HEATR4: variants seen among roughly 807,000 people sequenced by gnomAD.
HEATR4 encodes HEAT repeat containing 4, also known as HEAT repeat-containing protein 4.
HEATR4 carries 95 observed loss-of-function variants against 108.8 expected under a neutral mutation model. The ratio of observed to expected loss-of-function variants is 0.87; its 90% CI spans 0.74 to 1.04. The LOEUF (loss-of-function observed/expected upper bound fraction) is 1.04, where lower values mean the gene tolerates loss of function less well. Among genes scored for constraint, HEATR4 ranks in the 50% least tolerant of loss-of-function variants. The pLI, the probability that HEATR4 is intolerant of heterozygous loss-of-function variation, is 0.00. For missense variants in HEATR4, 1,152 were observed against 1,253.8 expected, an observed-to-expected ratio of 0.92 and a Z score of 1.23; for synonymous variants, 443 against 459.4, an observed-to-expected ratio of 0.96 and a Z score of 0.46.
chr14:73,494,551 T>G (rs188390861), intron 16 of HEATR4, among the ~76,000 whole-genome samples: 51 of 152,226 alleles, frequency 3.4e-4, no homozygotes, highest in African/African-American at 1.1e-3. Context: ...TATTTTTTGT[T>G]TGTTTGTTTT....
At chr14:73,519,212 C>T (rs375895656) in intron 4 of HEATR4, 49 bp from the exon 5 acceptor site, 5 of 1,560,442 alleles carry the variant, frequency 3.2e-6, no homozygotes, top group Middle Eastern at 1.7e-4. Context: ...TCCCTATTTC[C>T]TTTCTCCCTG....
upstream of HEATR4, among the ~76,000 whole-genome samples, chr14:73,562,602 A>G (rs1308930916): frequency 6.6e-6 from 1 of 152,010 alleles, no homozygotes; most frequent in African/African-American, 2.4e-5. Context: ...ATATCACTAA[A>G]TTATTTTCCT....
At chr14:73,565,388 C>CT in the HEATR4 span, among the ~76,000 whole-genome samples, 19,554 of 139,690 alleles carry the variant, frequency 0.14, 1,990 homozygotes, top group Non-Finnish European at 0.22. Context: ...TTTTCTTTTC[C>CT]TTTTTTTTTT....
intron 5 of HEATR4, among the ~76,000 whole-genome samples, chr14:73,516,258 C>G (rs1887592104): frequency 1.7e-5 from 1 of 57,440 alleles, no homozygotes; most frequent in Non-Finnish European, 2.7e-5. Context: ...CTTGGACGTG[C>G]TGGGGGACTC....
chr14:73,523,095 G>A lies in HEATR4; in HGVS notation c.58C>T (p.Pro20Ser), dbSNP rs1201339382. 3 of 1,611,262 alleles carry A rather than the reference G, an allele frequency of 1.9e-6. No individual in the cohort carries two copies. The highest frequency in any genetic ancestry group is 3.3e-5 in the Admixed American group (2 of 60,016). ...FLPHCFYQSL[P>S]PRLGWGMILN... Reference sequence around the variant, plus strand: ...ATCATGCCCCATCCCAGTCGTGGGGGCAGTGACTGATAGAAGCAATGGGGG... The same window carrying A: ...ATCATGCCCCATCCCAGTCGTGGGGACAGTGACTGATAGAAGCAATGGGGG... Residue 20 changes from proline to serine, a missense_variant, in exon 3 of 18, where the codon CCC (proline) becomes TCC (serine). Coordinates refer to ENST00000553558, the MANE Select transcript of HEATR4 (RefSeq NM_001220484.1).
At chr14:73,519,374 A>C (rs1566838690) in intron 4 of HEATR4, among the ~76,000 whole-genome samples, 1 of 152,112 alleles carries the variant, frequency 6.6e-6, no homozygotes, top group Admixed American at 6.5e-5. Flanking sequence ...GTGGGGGAAA[A>C]AAAAAAGAAA....
chr14:73,619,121 C>T, the HEATR4 span: 1 of 1,354,300 alleles, frequency 7.4e-7, no homozygotes, highest in African/African-American at 1.5e-5. Context: ...CAGAGCGAGA[C>T]TCCATCTCAA....
rs1018335599 is a variant in HEATR4 at position 73,503,128 on chromosome 14, C to A, written c.1987-115G>T. Reference sequence around the variant, plus strand: ...CATCACTGTACTAATGAGGATTGTCCTGAGTGTTTTTTCCCATCGCTTACT... The same window carrying A: ...CATCACTGTACTAATGAGGATTGTCATGAGTGTTTTTTCCCATCGCTTACT... On this transcript the variant is annotated intron_variant, in intron 10 of 17. Transcript: ENST00000553558. 24 of 827,642 alleles carry A rather than the reference C, an allele frequency of 2.9e-5. No homozygotes were observed. The Admixed American group carries it at 4.5e-4, about 15-fold the overall frequency. 51.3% of individuals were successfully genotyped at this position (827,642 alleles called of 1,614,324 possible). A position where few individuals can be genotyped will look rare whatever the true frequency, so the allele number is the denominator to read the frequency against.
chr14:73,564,721 G>GTTTTTTTTTTTTTTTTTTTTTTTTTTT, the HEATR4 span, among the ~76,000 whole-genome samples: 9 of 83,548 alleles, frequency 1.1e-4, 4 homozygotes, highest in Admixed American at 1.6e-4. Flanking sequence ...TATCTTTTCT[G>GTTTTTTTTTTTTTTTTTTTTTTTTTTT]TTTTTTGTTT....
At chr14:73,589,765 G>T in the HEATR4 span, among the ~76,000 whole-genome samples, 745 of 152,282 alleles carry the variant, frequency 4.9e-3, 7 homozygotes, top group African/African-American at 0.017. Context: ...CCCTCGCGGA[G>T]ATGTTACAGT....
chr14:73,603,882 C>T, the HEATR4 span, among the ~76,000 whole-genome samples: 21 of 151,572 alleles, frequency 1.4e-4, no homozygotes, highest in Non-Finnish European at 2.5e-4. Context: ...TACAGGTGCG[C>T]AGCACCACAC....
chr14:73,522,548 C>G lies in HEATR4; in HGVS notation c.605G>C (p.Trp202Ser), dbSNP rs376217290. The change falls in exon 3 of 18, where the codon TGG becomes TCG. Residue 202 changes from tryptophan (W) to serine (S), a missense_variant. Trp to Ser is a radical substitution (Grantham distance 177). Transcript: ENST00000553558. ...CAGCTTTTCCAGCACAGTGGCCTCC[C>G]ACGCTCTGGCCTCCTTCTCAGGAGG... is the stretch of plus-strand genomic sequence containing the variant. The part of the protein sequence containing the change: ...LLPPEKEARA[W>S]EATVLEKLNE... 6.2e-7 allele frequency: 1 copy of G among 1,614,152 alleles called. No individual in the cohort carries two copies.
At chr14:73,500,836 A>C (rs1886412440) in intron 11 of HEATR4, 106 bp from the exon 12 acceptor site, 1 of 986,812 alleles carries the variant, frequency 1.0e-6, no homozygotes, top group Non-Finnish European at 1.5e-6. Context: ...GTAGGCTGTC[A>C]ATCCCATTCA....
chr14:73,502,609 G>A (rs562244964), intron 11 of HEATR4, among the ~76,000 whole-genome samples: 1 of 151,984 alleles, frequency 6.6e-6, no homozygotes, highest in South Asian at 2.1e-4. Flanking sequence ...GTGCAGTGGC[G>A]CGATCTCTGC....
intron 2 of HEATR4, among the ~76,000 whole-genome samples, chr14:73,524,206 T>A (rs1287684350): frequency 2.0e-5 from 3 of 148,976 alleles, no homozygotes; most frequent in African/African-American, 7.4e-5. Context: ...GCAGGAGAAT[T>A]GCTTGAACCC....
At chr14:73,478,977 C>T (rs964685234) in intron 17 of HEATR4, 135 bp from the exon 18 acceptor site, 4 of 586,560 alleles carry the variant, frequency 6.8e-6, no homozygotes, top group Non-Finnish European at 8.7e-6. Context: ...CCCACTCTGT[C>T]GCCCAGGCTG....
the HEATR4 span, chr14:73,591,806 G>T: frequency 3.0e-6 from 2 of 659,554 alleles, no homozygotes. Flanking sequence ...CGGGTTAACC[G>T]GTCTGAAGTC....
At chr14:73,524,758 C>T (rs1288814369) in intron 2 of HEATR4, among the ~76,000 whole-genome samples, 1 of 151,456 alleles carries the variant, frequency 6.6e-6, no homozygotes, top group Admixed American at 6.6e-5. Context: ...GTTGGCCTTG[C>T]CTCTCCAAGG....
intron 2 of HEATR4, among the ~76,000 whole-genome samples, chr14:73,529,411 C>A (rs948048842): frequency 6.6e-6 from 1 of 151,156 alleles, no homozygotes; most frequent in Non-Finnish European, 1.5e-5. Context: ...CAGACCAGGC[C>A]CTGGAATGAG....
Sources: gnomAD v4.1 joint callset for allele counts (sites outside exome capture counted in the v4.1 genomes callset) on GRCh38, gnomAD v4.1.1 for gene constraint, MANE v1.5 for transcripts, NCBI Gene and HGNC (gene_info 2026-07-23, HGNC 2026-07-21) for gene names.